Variants in TSEN2 observed in about 807,000 individuals in gnomAD.
TSEN2 encodes tRNA-splicing endonuclease subunit Sen2.
In TSEN2, 54 loss-of-function variants were observed where a neutral mutation model predicts 59.2. That is an observed-to-expected ratio of 0.91 (90% CI 0.73 to 1.14). TSEN2 has a LOEUF of 1.14. Among genes scored for constraint, TSEN2 ranks in the 50% most tolerant of loss-of-function variants. The probability of loss-of-function intolerance (pLI) is 0.00; values close to 1 mark genes in which losing one functional copy is unlikely to be tolerated. For missense variants in TSEN2, 636 were observed against 576.2 expected, an observed-to-expected ratio of 1.10 and a Z score of -1.06; for synonymous variants, 195 against 198.2, an observed-to-expected ratio of 0.98 and a Z score of 0.14.
At chr3:12,531,169 G>A (rs1461148488) in intron 10 of TSEN2, 3 of 198,010 alleles carry the variant, frequency 1.5e-5, no homozygotes, top group South Asian at 9.3e-5. Flanking sequence ...CACCTCCCAC[G>A]AGGTCCCTCC....
At position 12,484,887 on chromosome 3, in the gene TSEN2, C is replaced by T. The variant is rs1217158023; in HGVS notation, c.-18+7C>T. The stretch of plus-strand genomic sequence containing the variant: ...CAAGGAAAGAAGCAAAGGGGTAAGA[C>T]AGGGAGTTAGGAATTGGCGGGGCCC... On this transcript the variant is annotated splice_region_variant and intron_variant, in intron 1 of 11. Coordinates refer to ENST00000284995, the MANE Select transcript of TSEN2 (RefSeq NM_025265.4). The T allele has an allele frequency of 1.3e-5, 2 of 152,318 alleles. No homozygotes were observed. Among genetic ancestry groups the T allele is most frequent in the African/African-American group, 4.8e-5 (2 of 41,466 alleles). 9.4% of individuals were successfully genotyped at this position (152,318 alleles called of 1,614,324 possible). A position where few individuals can be genotyped will look rare whatever the true frequency, so the allele number is the denominator to read the frequency against.
At chr3:12,523,296 A>C (rs773394703) in intron 8 of TSEN2, among the ~76,000 whole-genome samples, 26 of 152,136 alleles carry the variant, frequency 1.7e-4, no homozygotes. Flanking sequence ...ACTGATAAGT[A>C]TGATTTCTGA....
At chr3:12,532,566 C>T (rs763277660) in intron 11 of TSEN2, 96 bp from the exon 12 acceptor site, 18 of 1,182,436 alleles carry the variant, frequency 1.5e-5, no homozygotes, top group East Asian at 9.4e-5. Context: ...TTATATAGAC[C>T]GCCCTTTGTG....
At chr3:12,486,519 A>G (rs1453833007) in intron 1 of TSEN2, among the ~76,000 whole-genome samples, 1 of 152,208 alleles carries the variant, frequency 6.6e-6, no homozygotes, top group Non-Finnish European at 1.5e-5. Flanking sequence ...GGCCTGGGGA[A>G]TGTCTTTACT....
intron 6 of TSEN2, among the ~76,000 whole-genome samples, chr3:12,508,085 G>GC (rs1317712512): frequency 6.6e-6 from 1 of 152,192 alleles, no homozygotes; most frequent in African/African-American, 2.4e-5. Context: ...AGTGACCAGA[G>GC]CTAGCATCAG....
chr3:12,538,265 C>G (rs895911786), downstream of TSEN2, among the ~76,000 whole-genome samples: 2 of 152,204 alleles, frequency 1.3e-5, no homozygotes, highest in Non-Finnish European at 2.9e-5. Context: ...TTTGAGCAAA[C>G]AGCCATTCGT....
intron 6 of TSEN2, among the ~76,000 whole-genome samples, chr3:12,508,854 A>G (rs1021190757): frequency 1.3e-5 from 2 of 152,102 alleles, no homozygotes; most frequent in East Asian, 3.9e-4. Context: ...TTTGCTCTTC[A>G]AATTTTTTAT....
intron 4 of TSEN2, among the ~76,000 whole-genome samples, chr3:12,497,489 T>C (rs527421306): frequency 6.6e-6 from 1 of 152,116 alleles, no homozygotes; most frequent in Non-Finnish European, 1.5e-5. Flanking sequence ...TAACCTCAGG[T>C]TGGGGTCAGG....
At chr3:12,521,116 T>G (rs541086035) in intron 8 of TSEN2, among the ~76,000 whole-genome samples, 164 of 152,334 alleles carry the variant, frequency 1.1e-3, no homozygotes, top group African/African-American at 3.8e-3. Context: ...AAAGACACGA[T>G]CTTGTCCATT....
chr3:12,506,034 G>A (rs1228106330), intron 6 of TSEN2, among the ~76,000 whole-genome samples: 1 of 152,054 alleles, frequency 6.6e-6, no homozygotes, highest in Non-Finnish European at 1.5e-5. Context: ...GGGGTAGGGG[G>A]GTGGAAAGAA....
At chr3:12,529,194 C>A (rs566562018) in intron 9 of TSEN2, among the ~76,000 whole-genome samples, 1 of 152,108 alleles carries the variant, frequency 6.6e-6, no homozygotes, top group African/African-American at 2.4e-5. Flanking sequence ...AGGCCAGGTG[C>A]GGTGGCTCAC....
At chr3:12,530,630 A>G in intron 10 of TSEN2, 1 of 985,454 alleles carries the variant, frequency 1.0e-6, no homozygotes, top group South Asian at 4.7e-5. Context: ...AGGGTCTTGC[A>G]GGGCTAGAGA....
chr3:12,490,913 A>G (rs1389457005), intron 2 of TSEN2, among the ~76,000 whole-genome samples: 1 of 152,258 alleles, frequency 6.6e-6, no homozygotes, highest in Non-Finnish European at 1.5e-5. Flanking sequence ...CTTCATTTAC[A>G]GTATATAACA....
chr3:12,524,014 A>G (rs114464931), intron 8 of TSEN2, among the ~76,000 whole-genome samples: 1,929 of 152,358 alleles, frequency 0.013, 20 homozygotes, highest in Non-Finnish European at 0.022. Flanking sequence ...TGCCTGAGAA[A>G]AATTAGAATT....
intron 11 of TSEN2, 45 bp from the exon 12 acceptor site, chr3:12,532,617 T>TA: frequency 1.3e-6 from 2 of 1,599,344 alleles, no homozygotes; most frequent in Non-Finnish European, 1.7e-6. Flanking sequence ...AGAATGGTCT[T>TA]ACATTTCTGT....
At chr3:12,516,256 T>A (rs1393368918) in intron 6 of TSEN2, among the ~76,000 whole-genome samples, 1 of 151,988 alleles carries the variant, frequency 6.6e-6, no homozygotes, top group African/African-American at 2.4e-5. Flanking sequence ...AACCCGTCTC[T>A]ACTGAAAAAA....
chr3:12,499,474 A>G (rs139628827), intron 4 of TSEN2, among the ~76,000 whole-genome samples: 1,767 of 152,342 alleles, frequency 0.012, 20 homozygotes, highest in Non-Finnish European at 0.02. Flanking sequence ...TACCATCACC[A>G]TTATAGCCAA....
At chr3:12,538,892 A>T (rs542614389) in intron 10 of TSEN2, 1 of 264,158 alleles carries the variant, frequency 3.8e-6, no homozygotes, top group South Asian at 3.3e-5. Context: ...CTGCCTTTTC[A>T]GTGGGCAGAG....
At chr3:12,516,443 TATATGTGTG>T (rs766994125) in intron 6 of TSEN2, among the ~76,000 whole-genome samples, 159 bp from the exon 7 acceptor site, 83 of 27,212 alleles carry the variant, frequency 3.1e-3, no homozygotes, top group Non-Finnish European at 5.0e-3. Flanking sequence ...ACAAACAAAA[TATATGTGTG>T]TGTGTGTGTG....
Sources: gnomAD v4.1 joint callset for allele counts (sites outside exome capture counted in the v4.1 genomes callset) on GRCh38, gnomAD v4.1.1 for gene constraint, MANE v1.5 for transcripts, NCBI Gene and HGNC (gene_info 2026-07-23, HGNC 2026-07-21) for gene names.